CNOT4: variants seen among roughly 807,000 people sequenced by gnomAD.
The protein encoded by CNOT4 is CCR4-associated factor 4.
CNOT4 carries 8 observed loss-of-function variants against 73.8 expected under a neutral mutation model. That is an observed-to-expected ratio of 0.11 (90% CI 0.06 to 0.20). The LOEUF is 0.20. CNOT4 is among the 10% of genes least tolerant of loss of function. The pLI is 1.00. For missense variants in CNOT4, 564 were observed against 883.4 expected (o/e 0.64, Z 4.58); for synonymous variants, 293 against 321.1 (o/e 0.91, Z 0.94).
At position 135,474,315 on chromosome 7, in the gene CNOT4, C is replaced by T. The variant is rs1269298076; in HGVS notation, c.-93+35574G>A. ...TTTTTTTTTTTTTGAGACAGAATCT[C>T]GCTCTGTCGCCCAGGCTGGAGTGCA... On this transcript the variant is annotated intron_variant, in intron 1 of 11. Transcript: ENST00000541284. Among the ~76,000 whole-genome samples, 11 of 128,682 alleles carry T rather than the reference C, an allele frequency of 8.5e-5. No individual in the cohort carries two copies. In the South Asian group the frequency reaches 1.0e-3, roughly 12 times the overall value. The allele number at this position is 128,682 out of a possible 152,430, so 84.4% of individuals were successfully genotyped here.
Position 135,438,178 on chromosome 7 carries a change from G to A in CNOT4, c.154C>T (p.Leu52Phe). ...WHRIRTDENG[L>F]CPACRKPYPE... ...TTTACCTTTCTACATGCAGGACAAA[G>A]CCCATTTTCATCAGTGCGAATTCGA... Residue 52 changes from leucine to phenylalanine, a missense_variant, in exon 2 of 12, where the codon CTT becomes TTT. Coordinates refer to ENST00000541284, the MANE Select transcript of CNOT4 (RefSeq NM_001190850.2). 1 of 1,593,026 alleles carries A rather than the reference G, an allele frequency of 6.3e-7. No individual in the cohort carries two copies.
chr7:135,368,314 C>A (rs1225057982), intron 10 of CNOT4, among the ~76,000 whole-genome samples: 1 of 152,046 alleles, frequency 6.6e-6, no homozygotes, highest in African/African-American at 2.4e-5. Flanking sequence ...TTTTCAGCAA[C>A]AACAACAGTT....
At chr7:135,387,149 C>T (rs1796161202) in intron 10 of CNOT4, 1 of 979,064 alleles carries the variant, frequency 1.0e-6, no homozygotes, top group Admixed American at 6.1e-5. Context: ...GATAATAAGT[C>T]TACAATATTA....
intron 8 of CNOT4, among the ~76,000 whole-genome samples, chr7:135,396,264 C>T (rs900592563): frequency 2.0e-5 from 3 of 151,628 alleles, no homozygotes; most frequent in African/African-American, 7.3e-5. Flanking sequence ...ACTACAGGCG[C>T]GTGCCACCAC....
At chr7:135,403,381 G>A (rs1470452371) in intron 7 of CNOT4, among the ~76,000 whole-genome samples, 4 of 152,124 alleles carry the variant, frequency 2.6e-5, no homozygotes, top group Admixed American at 2.6e-4. Context: ...TTTGACACAG[G>A]CTTCAAATAT....
At chr7:135,383,202 T>C (rs916094422) in intron 10 of CNOT4, among the ~76,000 whole-genome samples, 1 of 152,158 alleles carries the variant, frequency 6.6e-6, no homozygotes, top group African/African-American at 2.4e-5. Flanking sequence ...TGCTTTCCCT[T>C]CATAGGTGGA....
intron 1 of CNOT4, among the ~76,000 whole-genome samples, chr7:135,441,388 AT>A (rs1469994400): frequency 6.6e-6 from 1 of 151,814 alleles, no homozygotes; most frequent in Non-Finnish European, 1.5e-5. Flanking sequence ...TGAATCTATA[AT>A]TATTTCAAAA....
At chr7:135,393,449 A>G (rs772089679) in intron 10 of CNOT4, among the ~76,000 whole-genome samples, 46 of 152,302 alleles carry the variant, frequency 3.0e-4, no homozygotes, top group Non-Finnish European at 6.0e-4. Flanking sequence ...ATGTGTGTGT[A>G]TATGTGTATC....
chr7:135,495,690 AAAAGAAAGAAAGAAAGAAAGAAAG>A lies in CNOT4; in HGVS notation c.-93+14175_-93+14198del, dbSNP rs796412528. Among the ~76,000 whole-genome samples the A allele has an allele frequency of 8.7e-3, 336 of 38,654 alleles. 45 individuals are homozygous for A. Among genetic ancestry groups the A allele is most frequent in the South Asian group, 0.074 (71 of 962 alleles). The allele number at this position is 38,654 out of a possible 152,430, so 25.4% of individuals were successfully genotyped here. A position where few individuals can be genotyped will look rare whatever the true frequency, so the allele number is the denominator to read the frequency against. On this transcript the variant is annotated intron_variant, in intron 1 of 11. Transcript: ENST00000541284. The stretch of plus-strand genomic sequence containing the variant: ...GTGTCAAAAAAAAAAAAAAAAAAAA[AAAAGAAAGAAAGAAAGAAAGAAAG>A]AAAGAAAGAAAGAAAGAAAGAAAGA...
chr7:135,445,301 G>A (rs980858671), intron 1 of CNOT4, among the ~76,000 whole-genome samples: 9 of 152,202 alleles, frequency 5.9e-5, no homozygotes, highest in African/African-American at 2.2e-4. Context: ...TTTGCCCTGG[G>A]AATAATGGAC....
At chr7:135,435,443 C>T (rs1323212896) in intron 2 of CNOT4, among the ~76,000 whole-genome samples, 1 of 152,126 alleles carries the variant, frequency 6.6e-6, no homozygotes, top group Non-Finnish European at 1.5e-5. Flanking sequence ...TATCAATTTG[C>T]TCTTATAATG....
intron 1 of CNOT4, among the ~76,000 whole-genome samples, chr7:135,474,648 T>A (rs1479969659): frequency 6.6e-6 from 1 of 152,088 alleles, no homozygotes; most frequent in Non-Finnish European, 1.5e-5. Flanking sequence ...TGGTTAGGAG[T>A]TTAAGTTTTG....
At chr7:135,375,146 T>C (rs1394232926) in intron 10 of CNOT4, among the ~76,000 whole-genome samples, 1 of 152,184 alleles carries the variant, frequency 6.6e-6, no homozygotes, top group African/African-American at 2.4e-5. Context: ...ATAAAAGACA[T>C]CTATTATCTG....
rs193136666 is a variant in CNOT4, at chr7:135,488,819, C to G, written c.-93+21070G>C. ...AGCAAATAAAAGATCAACTCTGATA[C>G]TCATAATTTCAAATTCCCTTTTCAA... On this transcript the variant is annotated intron_variant, in intron 1 of 11. Transcript: ENST00000541284. Among the ~76,000 whole-genome samples, 110 of 152,060 alleles carry G rather than the reference C, an allele frequency of 7.2e-4. 2 individuals carry two copies. Among genetic ancestry groups the G allele is most frequent in the Admixed American group, 7.1e-3 (108 of 15,252 alleles).
chr7:135,398,287 A>C (rs533445657), intron 7 of CNOT4, 61 bp from the exon 8 acceptor site: 2 of 846,160 alleles, frequency 2.4e-6, no homozygotes, highest in East Asian at 5.0e-5. Context: ...CAATAAAAAC[A>C]AACTCCTCAA....
At chr7:135,418,402 A>G (rs1191430535) in intron 3 of CNOT4, among the ~76,000 whole-genome samples, 3 of 152,232 alleles carry the variant, frequency 2.0e-5, no homozygotes, top group Non-Finnish European at 4.4e-5. Flanking sequence ...AACATAGAAA[A>G]TAAGAGGCCA....
chr7:135,424,058 C>A (rs866222949), intron 2 of CNOT4, among the ~76,000 whole-genome samples: 3 of 101,142 alleles, frequency 3.0e-5, no homozygotes, highest in African/African-American at 9.4e-5. Context: ...CACACACACA[C>A]ACACACACAC....
In CNOT4 at chr7:135,417,897, G is replaced by A. The variant is rs1797956300; in HGVS notation, c.373-2635C>T. 2.6e-5 allele frequency among the ~76,000 whole-genome samples: 4 copies of A among 152,176 alleles called. No homozygotes were observed. In the South Asian group the frequency reaches 8.3e-4, roughly 32 times the overall value. On this transcript the variant is annotated intron_variant, in intron 3 of 11. Transcript: ENST00000541284. ...AGCACTTTACCCCAAAGACAGCAGA[G>A]GGGTACGTACCTCCCTCCCAAGGTG...
intron 10 of CNOT4, among the ~76,000 whole-genome samples, chr7:135,382,891 C>G (rs1370654044): frequency 3.3e-5 from 5 of 152,166 alleles, no homozygotes; most frequent in Non-Finnish European, 7.3e-5. Context: ...AACCAATCCC[C>G]TACAGATACC....
Sources: allele counts gnomAD v4.1 joint callset (sites outside exome capture counted in the v4.1 genomes callset), GRCh38; gene constraint gnomAD v4.1.1; transcripts MANE v1.5; gene names NCBI Gene and HGNC (gene_info 2026-07-23, HGNC 2026-07-21).